NKAIN3: variants seen among roughly 807,000 people sequenced by gnomAD.
NKAIN3 encodes the protein sodium/potassium-transporting ATPase subunit beta-1-interacting protein 3.
Under a neutral mutation model 30.2 loss-of-function variants are expected in NKAIN3, and 25 were observed. That is an observed-to-expected ratio of 0.83 (90% CI 0.60 to 1.16). The LOEUF (loss-of-function observed/expected upper bound fraction) is 1.16, where lower values mean the gene tolerates loss of function less well. Ranked by LOEUF, NKAIN3 falls within the 50% of genes most tolerant of loss-of-function variation. NKAIN3 has a pLI of 0.00. For missense variants in NKAIN3, 225 were observed against 254.1 expected (o/e 0.89, Z 0.78); for synonymous variants, 91 against 89.6 (o/e 1.02, Z -0.09).
chr8:62,345,764 CT>C (rs1177767116), intron 1 of NKAIN3, among the ~76,000 whole-genome samples: 1 of 151,734 alleles, frequency 6.6e-6, no homozygotes, highest in Non-Finnish European at 1.5e-5. Context: ...CTATACTTTA[CT>C]TCTTTTGCCT....
At chr8:62,525,747 C>T (rs539103516) in intron 1 of NKAIN3, among the ~76,000 whole-genome samples, 31 of 152,196 alleles carry the variant, frequency 2.0e-4, no homozygotes, top group East Asian at 9.7e-4. Flanking sequence ...CCCCCAACTT[C>T]GTTACATGAA....
chr8:62,922,208 C>T (rs1263642270), intron 5 of NKAIN3, among the ~76,000 whole-genome samples: 34 of 152,082 alleles, frequency 2.2e-4, no homozygotes, highest in Admixed American at 2.6e-4. Flanking sequence ...TGGAAGGAAG[C>T]GTAACTATCG....
chr8:62,744,556 A>G (rs16929491), intron 3 of NKAIN3, among the ~76,000 whole-genome samples: 3,102 of 152,342 alleles, frequency 0.02, 105 homozygotes, highest in African/African-American at 0.071. Flanking sequence ...TTTTGAGATC[A>G]TGCTAGTTCA....
intron 1 of NKAIN3, among the ~76,000 whole-genome samples, chr8:62,423,485 C>T (rs1182879270): frequency 1.3e-5 from 2 of 150,828 alleles, no homozygotes; most frequent in African/African-American, 4.9e-5. Flanking sequence ...TATACATACA[C>T]ACACACTGCC....
At position 62,301,187 on chromosome 8, in the gene NKAIN3, T is replaced by C. The variant is rs1407111621; in HGVS notation, c.54+52060T>C. ...TTCTATAAATTCAAAGAAATCATTC[T>C]AATATTCACTTGAAGTAAATAGTGT... On this transcript the variant is annotated intron_variant, in intron 1 of 6. Coordinates refer to ENST00000623646, the MANE Select transcript of NKAIN3 (RefSeq NM_001304533.3). 3.3e-5 allele frequency among the ~76,000 whole-genome samples: 5 copies of C among 150,704 alleles called. No individual in the cohort carries two copies. The East Asian group carries it at 9.7e-4, about 29-fold the overall frequency.
chr8:62,588,477 C>G (rs827691), intron 2 of NKAIN3, among the ~76,000 whole-genome samples: 111,294 of 151,502 alleles, frequency 0.73, 41,311 homozygotes, highest in Non-Finnish European at 0.79. Context: ...TAAATGTAAC[C>G]AGTTATAGGA....
At chr8:62,285,285 A>G (rs1813344072) in intron 1 of NKAIN3, among the ~76,000 whole-genome samples, 2 of 152,196 alleles carry the variant, frequency 1.3e-5, no homozygotes, top group Non-Finnish European at 2.9e-5. Flanking sequence ...ATTGGGTTGT[A>G]TATTTCATGA....
intron 1 of NKAIN3, among the ~76,000 whole-genome samples, chr8:62,500,198 C>T (rs941505148): frequency 7.2e-5 from 11 of 151,974 alleles, no homozygotes; most frequent in Admixed American, 6.6e-4. Flanking sequence ...GTTTCAGTGC[C>T]AGAATGAGCT....
intron 1 of NKAIN3, among the ~76,000 whole-genome samples, chr8:62,461,145 T>G (rs1805989764): frequency 6.6e-6 from 1 of 152,164 alleles, no homozygotes; most frequent in African/African-American, 2.4e-5. Context: ...TTGTTGAAAG[T>G]ATGTCTCAAC....
At chr8:62,878,325 CTA>C (rs1820863634) in intron 4 of NKAIN3, among the ~76,000 whole-genome samples, 1 of 152,098 alleles carries the variant, frequency 6.6e-6, no homozygotes, top group South Asian at 2.1e-4. Context: ...TTATCAATTA[CTA>C]TGTCCCCTCA....
rs559415925 is a variant in NKAIN3, at chr8:62,648,239, A to G, written c.273+58445A>G. Among the ~76,000 whole-genome samples the G allele has an allele frequency of 3.5e-4, 54 of 152,160 alleles. No homozygotes were observed. In the South Asian group the frequency reaches 0.011, roughly 32 times the overall value. ...TGTAGATCCGTGGATCTGGAGCTCC[A>G]GAGAGGAACCTGGGATAGAGATGGA... is the stretch of plus-strand genomic sequence containing the variant. On this transcript the variant is annotated intron_variant, in intron 3 of 6. Coordinates refer to ENST00000623646, the MANE Select transcript of NKAIN3 (RefSeq NM_001304533.3).
chr8:62,687,255 A>C (rs972229031), intron 3 of NKAIN3, among the ~76,000 whole-genome samples: 4 of 152,244 alleles, frequency 2.6e-5, no homozygotes, highest in African/African-American at 4.8e-5. Context: ...AGGAAAACAC[A>C]GGAATGTGAA....
intron 1 of NKAIN3, among the ~76,000 whole-genome samples, chr8:62,465,336 G>A (rs770971348): frequency 6.6e-6 from 1 of 151,994 alleles, no homozygotes; most frequent in African/African-American, 2.4e-5. Context: ...AAGCTAATCG[G>A]CAATGAAACA....
chr8:62,988,793 G>T (rs1024420397), downstream of NKAIN3, among the ~76,000 whole-genome samples: 2 of 152,216 alleles, frequency 1.3e-5, no homozygotes, highest in African/African-American at 4.8e-5. Context: ...CATTACTTAT[G>T]CAAATTTCTG....
chr8:62,278,927 A>G (rs772311683), intron 1 of NKAIN3, among the ~76,000 whole-genome samples: 23 of 152,174 alleles, frequency 1.5e-4, no homozygotes, highest in Non-Finnish European at 2.5e-4. Flanking sequence ...TGGTATTTCT[A>G]GTTCTAGATC....
intron 1 of NKAIN3, among the ~76,000 whole-genome samples, chr8:62,306,053 C>G (rs6472006): frequency 0.94 from 140,429 of 150,174 alleles, 66,156 homozygotes; most frequent in East Asian, 1. Context: ...GAATTTTTGT[C>G]TATAATAAAT....
intron 1 of NKAIN3, among the ~76,000 whole-genome samples, chr8:62,502,600 C>A (rs1375503413): frequency 1.3e-5 from 2 of 151,908 alleles, no homozygotes; most frequent in African/African-American, 2.4e-5. Context: ...TCTTAACTTG[C>A]ACTTTAAATG....
At chr8:62,479,968 A>G (rs1020327463) in intron 1 of NKAIN3, among the ~76,000 whole-genome samples, 48 of 152,302 alleles carry the variant, frequency 3.2e-4, no homozygotes, top group Admixed American at 1.3e-4. Flanking sequence ...ACATTTTGGA[A>G]TTTAGCTTGA....
chr8:62,637,225 A>G (rs1812158525), intron 3 of NKAIN3, among the ~76,000 whole-genome samples: 2 of 152,190 alleles, frequency 1.3e-5, no homozygotes, highest in African/African-American at 4.8e-5. Context: ...GGCATCTTTG[A>G]AGAACATCCC....
Sources: gnomAD v4.1 joint callset for allele counts (sites outside exome capture counted in the v4.1 genomes callset) on GRCh38, gnomAD v4.1.1 for gene constraint, MANE v1.5 for transcripts, NCBI Gene and HGNC (gene_info 2026-07-23, HGNC 2026-07-21) for gene names.